Variants in BBS2 observed in about 807,000 individuals in gnomAD.
The protein encoded by BBS2 is BBSome complex member BBS2.
BBS2 carries 62 observed loss-of-function variants against 83.0 expected under a neutral mutation model. The ratio of observed to expected loss-of-function variants is 0.75; its 90% CI spans 0.61 to 0.92. The LOEUF is 0.92. Ranked by LOEUF, BBS2 falls within the 40% of genes least tolerant of loss-of-function variation. The pLI is 0.00. For synonymous variants in BBS2, 303 were observed against 326.1 expected, an observed-to-expected ratio of 0.93 and a Z score of 0.76; for missense variants, 784 against 901.0, an observed-to-expected ratio of 0.87 and a Z score of 1.66.
At chr16:56,497,444 A>G (rs1199442089) in intron 14 of BBS2, 16 of 503,744 alleles carry the variant, frequency 3.2e-5, no homozygotes, top group Non-Finnish European at 5.0e-5. Flanking sequence ...CCCAAACTGA[A>G]GAAGACCAAA....
rs1293809242 is a variant in BBS2, at chr16:56,475,985, A to G, written c.*1-5290T>C. ...GAAACCATCTGTTCCATGGTTAATC[A>G]TCCAAGATTTGAGAATAAGTTCTGT... On this transcript the variant is annotated intron_variant, in intron 17 of 17. Coordinates refer to the BBS2 transcript ENST00000682047. 3 of 1,458,734 alleles carry G rather than the reference A, an allele frequency of 2.1e-6. No homozygotes were observed. The African/African-American group carries it at 4.2e-5, about 21-fold the overall frequency. The allele number at this position is 1,458,734 out of a possible 1,614,324, so 90.4% of individuals were successfully genotyped here. A position where few individuals can be genotyped will look rare whatever the true frequency, so the allele number is the denominator to read the frequency against.
chr16:56,487,003 A>T (rs1270668358), intron 15 of BBS2, among the ~76,000 whole-genome samples: 2 of 151,982 alleles, frequency 1.3e-5, no homozygotes, highest in African/African-American at 4.8e-5. Context: ...GCTTCAAGTG[A>T]TCCACCCACC....
chr16:56,471,975 GTTTT>G (rs1208222585), intron 17 of BBS2, among the ~76,000 whole-genome samples: 13 of 152,036 alleles, frequency 8.6e-5, no homozygotes, highest in African/African-American at 2.4e-4. Context: ...TTGTTTGTTT[GTTTT>G]GAGACACGGT....
At chr16:56,480,374 AAAAC>A (rs1339778056), downstream of BBS2, among the ~76,000 whole-genome samples, 1 of 150,746 alleles carries the variant, frequency 6.6e-6, no homozygotes, top group Non-Finnish European at 1.5e-5. Context: ...AACAAAAAAA[AAAAC>A]AAAGCTTGGG....
chr16:56,479,721 C>T (rs780299166), downstream of BBS2, among the ~76,000 whole-genome samples: 10 of 152,184 alleles, frequency 6.6e-5, no homozygotes, highest in Non-Finnish European at 1.3e-4. Context: ...CAGCAGCAGC[C>T]CTTGAGTAGC....
intron 5 of BBS2, among the ~76,000 whole-genome samples, chr16:56,508,513 C>T (rs182254706): frequency 1.6e-3 from 242 of 152,086 alleles, no homozygotes; most frequent in African/African-American, 5.5e-3. Flanking sequence ...TGAGTCTTGC[C>T]CAATCCTGGA....
downstream of BBS2, among the ~76,000 whole-genome samples, chr16:56,482,801 C>A (rs1225573638): frequency 6.6e-6 from 1 of 152,170 alleles, no homozygotes; most frequent in Non-Finnish European, 1.5e-5. Context: ...GCTATTGGCA[C>A]AAATACCAGC....
intron 7 of BBS2, 107 bp from the exon 8 acceptor site, chr16:56,502,915 A>G (rs557620331): frequency 2.2e-6 from 3 of 1,377,486 alleles, no homozygotes; most frequent in African/African-American, 1.4e-5. Flanking sequence ...AGCAGTTTTC[A>G]AGAGTATTCT....
chr16:56,506,039 G>A lies in BBS2; in HGVS notation c.718-3C>T, dbSNP rs779134746. On this transcript the variant is annotated splice_region_variant and splice_polypyrimidine_tract_variant and intron_variant, in intron 6 of 16. Transcript: ENST00000245157. ...ATGCTCATGGCATGATTTTTCGACT[G>A]AAAAAGAATTTTAATAATTAGCACA... The A allele has an allele frequency of 3.7e-5, 60 of 1,613,564 alleles. No homozygotes were observed. Among genetic ancestry groups the A allele is most frequent in the Non-Finnish European group, 5.0e-5 (59 of 1,179,692 alleles).
At chr16:56,472,065 G>A (rs925574293) in intron 17 of BBS2, among the ~76,000 whole-genome samples, 13 of 152,044 alleles carry the variant, frequency 8.6e-5, no homozygotes, top group Non-Finnish European at 7.4e-5. Flanking sequence ...AGGCTCGAGC[G>A]ATCCTTCTGC....
intron 7 of BBS2, among the ~76,000 whole-genome samples, chr16:56,503,020 A>AT (rs1461274507): frequency 1.3e-5 from 2 of 152,218 alleles, no homozygotes; most frequent in Non-Finnish European, 2.9e-5. Flanking sequence ...TTCTTTTTAA[A>AT]TAAAAGCTGT....
intron 9 of BBS2, chr16:56,502,054 T>G: frequency 1.9e-6 from 1 of 522,038 alleles, no homozygotes; most frequent in Non-Finnish European, 3.5e-6. Context: ...GACGAACATC[T>G]AAGTTTCTTC....
chr16:56,507,509 A>C (rs1185340622), intron 5 of BBS2, among the ~76,000 whole-genome samples: 1 of 152,246 alleles, frequency 6.6e-6, no homozygotes, highest in African/African-American at 2.4e-5. Flanking sequence ...GATTTACCAC[A>C]AATTAGAATG....
At chr16:56,498,693 A>C (rs766007334) in intron 12 of BBS2, 125 bp from the exon 13 acceptor site, 36 of 1,558,052 alleles carry the variant, frequency 2.3e-5, no homozygotes, top group Middle Eastern at 1.7e-4. Flanking sequence ...TTCTAGTTTT[A>C]CTGCTTTGTT....
intron 12 of BBS2, chr16:56,499,009 G>A: frequency 3.5e-6 from 1 of 284,200 alleles, no homozygotes; most frequent in Non-Finnish European, 6.8e-6. Context: ...AGTATACATG[G>A]GCAAACACCA....
At position 56,485,630 on chromosome 16, in the gene BBS2, T is replaced by C. The variant is rs1963754919; in HGVS notation, c.2019A>G (p.Lys673=). The part of the protein sequence containing the change: ...NNHTELLGNL[K]AVNQAIQRAG... ...CTCTTTGAATTGCTTGATTTACTGCTTTGAGGTTTCCCAACAGCTCTGTGT... is the reference window on the plus strand; with the variant it reads ...CTCTTTGAATTGCTTGATTTACTGCCTTGAGGTTTCCCAACAGCTCTGTGT... Residue 673 remains lysine, a synonymous_variant, in exon 16 of 17, where the codon AAA becomes AAG. Transcript: ENST00000245157. 3.7e-6 allele frequency: 6 copies of C among 1,614,202 alleles called. No individual in the cohort carries two copies. The highest frequency in any genetic ancestry group is 5.1e-6 in the Non-Finnish European group (6 of 1,180,014).
rs1436713218 is a variant in BBS2 at position 56,505,990 on chromosome 16, T to G, written c.764A>C (p.Asp255Ala). The change falls in exon 7 of 17, where the codon GAT becomes GCT. Residue 255 changes from aspartate (D) to alanine (A), a missense_variant. Asp to Ala is a moderately radical substitution (Grantham distance 126). Transcript: ENST00000245157. ...MSIHAFDLNS[D>A]GVNELITGWS... The stretch of plus-strand genomic sequence containing the variant: ...ACCAGTTATCAGTTCATTCACTCCA[T>G]CAGAATTAAGGTCAAAAGCATGAAT... The G allele has an allele frequency of 6.2e-7, 1 of 1,613,926 alleles. No individual in the cohort carries two copies. The highest frequency in any genetic ancestry group is 2.2e-5 in the East Asian group (1 of 44,882).
At chr16:56,518,361 T>C (rs375226688) in intron 1 of BBS2, among the ~76,000 whole-genome samples, 3 of 152,212 alleles carry the variant, frequency 2.0e-5, no homozygotes, top group Admixed American at 6.5e-5. Flanking sequence ...CCACACTTTC[T>C]AGTTGAGTGG....
rs1244466598 is a variant in BBS2, at chr16:56,500,922, G to A, written c.1329C>T (p.Ile443=). 3.7e-6 allele frequency: 6 copies of A among 1,614,058 alleles called. No homozygotes were observed. Among genetic ancestry groups the A allele is most frequent in the Non-Finnish European group, 4.2e-6 (5 of 1,180,016 alleles). ...GGACATCTTTGGGAGGCACAATAGG[G>A]ATGCAGATGGAACTGGAGAGGTTGT... The part of the protein sequence containing the change: ...SIHNLSSSIC[I]PIVPPKDVPV... The change falls in exon 11 of 17, where the codon ATC becomes ATT. Residue 443 remains isoleucine (I), a synonymous_variant. Coordinates refer to ENST00000245157, the MANE Select transcript of BBS2 (RefSeq NM_031885.5).
Sources: allele counts gnomAD v4.1 joint callset (sites outside exome capture counted in the v4.1 genomes callset), GRCh38; gene constraint gnomAD v4.1.1; transcripts MANE v1.5; gene names NCBI Gene and HGNC (gene_info 2026-07-23, HGNC 2026-07-21).